The following CDK7 variants were observed in gnomAD, a reference collection of about 807,000 sequenced individuals.
The protein encoded by CDK7 is cyclin dependent kinase 7.
A neutral mutation model predicts 49.1 loss-of-function variants in CDK7; 25 were observed. The observed-to-expected ratio is 0.51, with a 90% confidence interval of 0.37 to 0.71. The LOEUF is 0.71. Among genes scored for constraint, CDK7 ranks in the 30% least tolerant of loss-of-function variants. The probability of loss-of-function intolerance (pLI) is 0.00; values close to 1 mark genes in which losing one functional copy is unlikely to be tolerated. For synonymous variants in CDK7, 107 were observed against 140.0 expected (o/e 0.76, Z 1.67); for missense variants, 316 against 411.7 (o/e 0.77, Z 2.01).
chr5:69,258,088 A>G lies in CDK7; in HGVS notation c.343A>G (p.Lys115Glu). The G allele has an allele frequency of 6.2e-7, 1 of 1,601,030 alleles. No individual in the cohort carries two copies. The highest frequency in any genetic ancestry group is 8.5e-7 in the Non-Finnish European group (1 of 1,171,088). ...NSLVLTPSHI[K>E]AYMLMTLQGL... is the part of the protein sequence containing the mutation. ...TCTTGTGCTGACACCATCACACATC[A>G]AAGCCTACATGTTGATGACTCTTCA... The change falls in exon 6 of 12, where the codon AAA becomes GAA. Residue 115 changes from lysine (K) to glutamate (E), a missense_variant. By Grantham distance (56) the Lys-to-Glu change is moderately conservative. Transcript: ENST00000256443.
intron 10 of CDK7, among the ~76,000 whole-genome samples, chr5:69,274,253 G>A (rs1751874233): frequency 1.3e-5 from 2 of 152,206 alleles, no homozygotes; most frequent in South Asian, 4.1e-4. Flanking sequence ...CTTTATTAAA[G>A]TTGGAATGAG....
chr5:69,260,865 T>G (rs1750767715), intron 7 of CDK7, among the ~76,000 whole-genome samples: 1 of 152,246 alleles, frequency 6.6e-6, no homozygotes, highest in Admixed American at 6.5e-5. Flanking sequence ...TTGCCCAGGC[T>G]GAAGTGCGGT....
At chr5:69,241,683 T>C (rs114456509) in intron 2 of CDK7, among the ~76,000 whole-genome samples, 1 of 152,176 alleles carries the variant, frequency 6.6e-6, no homozygotes, top group South Asian at 2.1e-4. Context: ...CCTTTTCTTA[T>C]GCTGTCTGCC....
Position 69,259,853 on chromosome 5 carries a change from T to C in CDK7, c.444T>C (p.Asn148=). Residue 148 remains asparagine (N), a synonymous_variant, in exon 7 of 12, where the codon AAT becomes AAC. Coordinates refer to ENST00000256443, the MANE Select transcript of CDK7 (RefSeq NM_001799.4). ...LKPNNLLLDE[N]GVLKLADFGL... is the part of the protein sequence containing the mutation. ...CAAACAACTTGTTGCTAGATGAAAA[T>C]GGAGTTCTAAAACTGGCAGATTTTG... 6.2e-7 allele frequency: 1 copy of C among 1,614,086 alleles called. No individual in the cohort carries two copies. Among genetic ancestry groups the C allele is most frequent in the Admixed American group, 1.7e-5 (1 of 60,014 alleles).
chr5:69,258,552 T>C (rs1750630595), intron 6 of CDK7, among the ~76,000 whole-genome samples: 1 of 151,898 alleles, frequency 6.6e-6, no homozygotes, highest in Non-Finnish European at 1.5e-5. Context: ...AGCTAATTTT[T>C]TGTATTTTTT....
chr5:69,249,162 T>C (rs776476966), intron 2 of CDK7, among the ~76,000 whole-genome samples: 6 of 152,034 alleles, frequency 3.9e-5, no homozygotes, highest in South Asian at 2.1e-4. Context: ...ATTTCTTTAT[T>C]TTTTTTCTTT....
At chr5:69,249,595 C>T (rs756637021) in intron 2 of CDK7, among the ~76,000 whole-genome samples, 3 of 151,836 alleles carry the variant, frequency 2.0e-5, no homozygotes, top group Non-Finnish European at 2.9e-5. Flanking sequence ...CACTAGTAAT[C>T]CCAGCACTTT....
Position 69,262,141 on chromosome 5 carries a change from C to A in CDK7, c.528-64C>A, listed in dbSNP as rs985689284. 1.9e-6 allele frequency: 3 copies of A among 1,602,216 alleles called. No individual in the cohort carries two copies. The African/African-American group carries it at 4.0e-5, about 21-fold the overall frequency. On this transcript the variant is annotated intron_variant, in intron 7 of 11. Transcript: ENST00000256443. ...AGAAAACAGACAAGGATCGTTCATC[C>A]CTAGAGATAGAAGTGCTTTGATAAT... is the stretch of plus-strand genomic sequence containing the variant.
chr5:69,234,814 C>G (rs987386440), upstream of CDK7: 3 of 702,800 alleles, frequency 4.3e-6, no homozygotes, highest in Admixed American at 8.0e-5. Flanking sequence ...ACCGCCTGGG[C>G]CTAGCGCAGC....
intron 7 of CDK7, among the ~76,000 whole-genome samples, chr5:69,260,726 GGAATGATA>G (rs1750760131): frequency 6.6e-6 from 1 of 152,138 alleles, no homozygotes; most frequent in South Asian, 2.1e-4. Context: ...ACATTAAATA[GGAATGATA>G]GATTTTATAA....
In CDK7 at chr5:69,265,168, G is replaced by C. The variant is rs543643729; in HGVS notation, c.627+2864G>C. On this transcript the variant is annotated intron_variant, in intron 8 of 11. Coordinates refer to ENST00000256443, the MANE Select transcript of CDK7 (RefSeq NM_001799.4). ...TAGTTCCAGCTACTCGGGAGACTGA[G>C]GCAGGAGAATGGCATGAACCTGGGA... Among the ~76,000 whole-genome samples the C allele has an allele frequency of 1.5e-4, 23 of 152,116 alleles. No homozygotes were observed. In the East Asian group the frequency reaches 3.7e-3, roughly 24 times the overall value.
chr5:69,250,629 G>A (rs1171507597), intron 2 of CDK7: 2 of 445,816 alleles, frequency 4.5e-6, no homozygotes, highest in East Asian at 1.4e-4. Flanking sequence ...AAGAGCCAAG[G>A]CCTGGATTCA....
intron 10 of CDK7, among the ~76,000 whole-genome samples, chr5:69,273,329 TAGAAAA>T (rs1187318513): frequency 6.6e-6 from 1 of 150,602 alleles, no homozygotes; most frequent in African/African-American, 2.5e-5. Context: ...ATACTTTACT[TAGAAAA>T]AGAAAACCAA....
chr5:69,250,838 C>G (rs1214258943), intron 2 of CDK7: 1 of 456,504 alleles, frequency 2.2e-6, no homozygotes, highest in Middle Eastern at 3.2e-4. Context: ...CATGGTGAGG[C>G]CCTGGTTACC....
At position 69,237,455 on chromosome 5, in the gene CDK7, A is replaced by G. The variant is rs190455742; in HGVS notation, c.126+2002A>G. On this transcript the variant is annotated intron_variant, in intron 2 of 11. Coordinates refer to ENST00000256443, the MANE Select transcript of CDK7 (RefSeq NM_001799.4). ...TTCCTTATCATCCAGGCTTCACTCA[A>G]ATGTCTCCTCCATAGAGGCCTTTGT... Among the ~76,000 whole-genome samples the G allele has an allele frequency of 9.9e-5, 15 of 152,130 alleles. 1 individual carries two copies. The highest frequency in any genetic ancestry group is 2.6e-4 in the Admixed American group (4 of 15,280).
chr5:69,252,838 G>A (rs1320086203), intron 3 of CDK7, among the ~76,000 whole-genome samples: 1 of 152,130 alleles, frequency 6.6e-6, no homozygotes, highest in African/African-American at 2.4e-5. Flanking sequence ...GAAGAAACGA[G>A]CAAAGTATGA....
intron 7 of CDK7, among the ~76,000 whole-genome samples, chr5:69,260,179 C>T (rs1251996874): frequency 6.6e-6 from 1 of 152,172 alleles, no homozygotes; most frequent in African/African-American, 2.4e-5. Flanking sequence ...GAAACCCCGT[C>T]TCTACTAAAA....
At chr5:69,236,954 C>CTTTTT (rs4053029) in intron 2 of CDK7, among the ~76,000 whole-genome samples, 17 of 84,152 alleles carry the variant, frequency 2.0e-4, no homozygotes, top group East Asian at 1.5e-3. Flanking sequence ...GCCTGGCCTT[C>CTTTTT]TTTTTTTTTT....
intron 2 of CDK7, among the ~76,000 whole-genome samples, chr5:69,244,432 C>T (rs937255121): frequency 6.6e-6 from 1 of 151,616 alleles, no homozygotes; most frequent in Non-Finnish European, 1.5e-5. Context: ...CCGAGGTGGG[C>T]GGATCACCTG....
Sources: allele counts gnomAD v4.1 joint callset (sites outside exome capture counted in the v4.1 genomes callset), GRCh38; gene constraint gnomAD v4.1.1; transcripts MANE v1.5; gene names NCBI Gene and HGNC (gene_info 2026-07-23, HGNC 2026-07-21).